LYRM4: variants seen among roughly 807,000 people sequenced by gnomAD.
The protein encoded by LYRM4 is LYR motif-containing protein 4.
In LYRM4, 9 loss-of-function variants were observed where a neutral mutation model predicts 11.7. The ratio of observed to expected loss-of-function variants is 0.77; its 90% confidence interval spans 0.46 to 1.34. The LOEUF (loss-of-function observed/expected upper bound fraction) is 1.34. LYRM4 is among the 40% of genes most tolerant of loss of function. LYRM4 has a pLI of 0.00. For missense variants in LYRM4, 133 were observed against 112.5 expected, an observed-to-expected ratio of 1.18 and a Z score of -0.82; for synonymous variants, 42 against 40.4, an observed-to-expected ratio of 1.04 and a Z score of -0.15.
chr6:5,100,860 C>A (rs1762477263), downstream of LYRM4, among the ~76,000 whole-genome samples: 1 of 152,232 alleles, frequency 6.6e-6, no homozygotes, highest in African/African-American at 2.4e-5. Flanking sequence ...CGCCCCCATC[C>A]TTTATTCTGT....
chr6:5,086,514 G>A, the LYRM4 span: 1 of 1,534,948 alleles, frequency 6.5e-7, no homozygotes. Flanking sequence ...ACAACAACGC[G>A]GGCGCCAACT....
chr6:5,144,860 G>C (rs767807241), intron 2 of LYRM4, among the ~76,000 whole-genome samples: 14 of 152,122 alleles, frequency 9.2e-5, no homozygotes, highest in Non-Finnish European at 1.5e-4. Flanking sequence ...GCGAGGCCAC[G>C]CTGGGTGACC....
rs1762757638 is a variant in LYRM4, at chr6:5,108,972, T to C, written c.*451A>G. 3 of 998,950 alleles carry C rather than the reference T, an allele frequency of 3.0e-6. No homozygotes were observed. The highest frequency in any genetic ancestry group is 5.4e-5 in the Admixed American group (1 of 18,500). 61.9% of individuals were successfully genotyped at this position (998,950 alleles called of 1,614,324 possible). On this transcript the variant is annotated 3_prime_UTR_variant, in exon 3 of 3. Transcript: ENST00000330636. ...CACCAAGGCAGTTCTCGTCTCAGAG[T>C]TGAACCCTCCCTGAGGGCCCCCAAC...
the LYRM4 span, among the ~76,000 whole-genome samples, chr6:5,036,662 C>T: frequency 2.6e-5 from 4 of 152,340 alleles, no homozygotes; most frequent in South Asian, 2.1e-4. Context: ...AGAAAGCATC[C>T]GATTGCTTCA....
At chr6:5,132,667 CAAAG>C (rs952973054) in intron 2 of LYRM4, 16 of 152,274 alleles carry the variant, frequency 1.1e-4, no homozygotes, top group African/African-American at 3.4e-4. Flanking sequence ...TAATGCTGAG[CAAAG>C]AAAATCACAA....
downstream of LYRM4, chr6:5,103,957 A>G (rs1216930314): frequency 1.3e-5 from 2 of 150,572 alleles, no homozygotes; most frequent in Non-Finnish European, 3.0e-5. Context: ...TAATCTAGAA[A>G]GCAAATACTA....
the LYRM4 span, chr6:5,085,953 G>T: frequency 2.6e-6 from 4 of 1,526,752 alleles, no homozygotes; most frequent in Middle Eastern, 3.8e-4. Flanking sequence ...AGCCGCAGGT[G>T]CCGCCCGCCG....
At chr6:5,229,813 G>T (rs1040548296) in intron 1 of LYRM4, among the ~76,000 whole-genome samples, 7 of 152,112 alleles carry the variant, frequency 4.6e-5, no homozygotes, top group African/African-American at 1.4e-4. Context: ...TAAAATAATG[G>T]AAAGAAAGAA....
At chr6:5,127,939 G>A (rs1443347995) in intron 2 of LYRM4, among the ~76,000 whole-genome samples, 1 of 152,060 alleles carries the variant, frequency 6.6e-6, no homozygotes, top group Non-Finnish European at 1.5e-5. Flanking sequence ...ACATTCACAG[G>A]AAGTTGCAAA....
At chr6:5,127,476 G>C (rs374699209) in intron 2 of LYRM4, among the ~76,000 whole-genome samples, 1 of 152,082 alleles carries the variant, frequency 6.6e-6, no homozygotes. Context: ...TAAATATTTC[G>C]CAATTACAGC....
At chr6:5,241,666 T>C (rs1249032622) in intron 1 of LYRM4, among the ~76,000 whole-genome samples, 2 of 152,180 alleles carry the variant, frequency 1.3e-5, no homozygotes, top group African/African-American at 4.8e-5. Context: ...GGCTGAAACT[T>C]GATAAGTTCT....
intron 2 of LYRM4, among the ~76,000 whole-genome samples, chr6:5,177,394 C>G (rs1014304563): frequency 2.6e-5 from 4 of 152,236 alleles, no homozygotes; most frequent in Non-Finnish European, 5.9e-5. Flanking sequence ...AGTCATCTGA[C>G]TGGAAAGCCT....
the LYRM4 span, chr6:5,089,145 A>G: frequency 1.6e-4 from 25 of 152,362 alleles, no homozygotes; most frequent in African/African-American, 6.0e-4. Flanking sequence ...GGTCATATCA[A>G]TGAACTAATG....
intron 2 of LYRM4, among the ~76,000 whole-genome samples, chr6:5,197,757 G>A (rs967259789): frequency 2.4e-4 from 37 of 152,220 alleles, no homozygotes; most frequent in African/African-American, 7.7e-4. Flanking sequence ...GCAAAGTCCC[G>A]AATTTATTTC....
chr6:5,067,458 G>A, the LYRM4 span, among the ~76,000 whole-genome samples: 1 of 152,252 alleles, frequency 6.6e-6, no homozygotes, highest in African/African-American at 2.4e-5. Context: ...CTGGCAAATT[G>A]ATGCTGGTTG....
the LYRM4 span, among the ~76,000 whole-genome samples, chr6:5,049,364 A>T: frequency 6.6e-6 from 1 of 152,162 alleles, no homozygotes; most frequent in East Asian, 1.9e-4. Flanking sequence ...AACTACTGGG[A>T]GCACAAGCTT....
At chr6:5,210,900 T>C (rs1332243901) in intron 2 of LYRM4, among the ~76,000 whole-genome samples, 1 of 152,214 alleles carries the variant, frequency 6.6e-6, no homozygotes, top group African/African-American at 2.4e-5. Flanking sequence ...ATATCCTGTT[T>C]ATCCATTCAT....
intron 2 of LYRM4, chr6:5,136,648 T>A (rs752699440): frequency 2.0e-6 from 2 of 985,278 alleles, no homozygotes; most frequent in Non-Finnish European, 2.4e-6. Flanking sequence ...CAATCCCAGG[T>A]GTTGTCAAAG....
chr6:5,176,718 C>T (rs527776553), intron 2 of LYRM4, among the ~76,000 whole-genome samples: 1 of 152,308 alleles, frequency 6.6e-6, no homozygotes, highest in Non-Finnish European at 1.5e-5. Context: ...AATGAAGTTT[C>T]GGTCTTCATC....
Sources: allele counts gnomAD v4.1 joint callset (sites outside exome capture counted in the v4.1 genomes callset), GRCh38; gene constraint gnomAD v4.1.1; transcripts MANE v1.5; gene names NCBI Gene and HGNC (gene_info 2026-07-23, HGNC 2026-07-21).